The following ANK1 variants were observed in gnomAD, a reference collection of about 807,000 sequenced individuals.
ANK1 encodes ankyrin 1, also known as ankyrin-1.
ANK1 carries 51 observed loss-of-function variants against 210.4 expected under a neutral mutation model. That is an observed-to-expected ratio of 0.24 (90% CI 0.19 to 0.31). The LOEUF (loss-of-function observed/expected upper bound fraction) is 0.31, where lower values mean the gene tolerates loss of function less well. ANK1 is among the 10% of genes least tolerant of loss of function. ANK1 has a pLI of 1.00. For synonymous variants in ANK1, 967 were observed against 1,025.9 expected, an observed-to-expected ratio of 0.94 and a Z score of 1.10; for missense variants, 2,051 against 2,504.4, an observed-to-expected ratio of 0.82 and a Z score of 3.86.
intron 1 of ANK1, among the ~76,000 whole-genome samples, chr8:41,830,553 G>A (rs1806395275): frequency 1.3e-5 from 2 of 152,090 alleles, no homozygotes; most frequent in South Asian, 4.1e-4. Flanking sequence ...AGCTAGAATT[G>A]TGGTAAAGCC....
intron 42 of ANK1, 174 bp downstream of exon 42, chr8:41,661,256 T>C: frequency 1.0e-6 from 1 of 975,044 alleles, no homozygotes. Flanking sequence ...GAAGCTGGGG[T>C]TCAGAGCCAA....
intron 22 of ANK1, chr8:41,700,589 C>T: frequency 1.1e-6 from 1 of 929,514 alleles, no homozygotes; most frequent in Non-Finnish European, 1.7e-6. Flanking sequence ...ATGAAATTAT[C>T]CAGATGGAAG....
chr8:41,835,760 A>G (rs909719173), intron 1 of ANK1, among the ~76,000 whole-genome samples: 3 of 152,244 alleles, frequency 2.0e-5, no homozygotes, highest in Admixed American at 6.5e-5. Context: ...CAGAGTCTGA[A>G]ATATTTACTA....
chr8:41,724,598 C>T (rs1204197775), intron 6 of ANK1, 44 bp from the exon 7 acceptor site: 3 of 1,530,612 alleles, frequency 2.0e-6, no homozygotes, highest in South Asian at 2.4e-5. Flanking sequence ...ATGTGATTTA[C>T]TTCTATCTCA....
At chr8:41,758,252 TGCCCACAGTGACACCAGGTGTGCACAGGA>T in intron 1 of ANK1, 115 bp from the exon 2 acceptor site, 2 of 915,826 alleles carry the variant, frequency 2.2e-6, no homozygotes, top group East Asian at 4.8e-5. Flanking sequence ...GGCACCCTGG[TGCCCACAGTGACACCAGGTGTGCACAGGA>T]GCCTGAGAGC....
intron 1 of ANK1, among the ~76,000 whole-genome samples, chr8:41,792,219 A>G (rs1406349921): frequency 6.6e-6 from 1 of 152,182 alleles, no homozygotes; most frequent in Non-Finnish European, 1.5e-5. Context: ...GCCACTTCTC[A>G]CTAGATTTCT....
At chr8:41,872,466 G>A (rs184062818) in intron 1 of ANK1, among the ~76,000 whole-genome samples, 16 of 152,222 alleles carry the variant, frequency 1.1e-4, no homozygotes, top group Non-Finnish European at 2.9e-5. Flanking sequence ...GGAAGCCGGG[G>A]TTCGAATCTA....
chr8:41,679,923 A>G (rs1208679432), intron 37 of ANK1, among the ~76,000 whole-genome samples: 1 of 152,052 alleles, frequency 6.6e-6, no homozygotes, highest in Non-Finnish European at 1.5e-5. Context: ...TTTATTTCCC[A>G]TGCTTTGTGG....
chr8:41,823,603 G>GAA (rs1012001732), intron 1 of ANK1, among the ~76,000 whole-genome samples: 7 of 145,212 alleles, frequency 4.8e-5, no homozygotes, highest in African/African-American at 1.8e-4. Context: ...TACAAAAACT[G>GAA]AAAAAAAAAA....
chr8:41,853,879 G>A (rs1811713471), intron 1 of ANK1, among the ~76,000 whole-genome samples: 1 of 152,116 alleles, frequency 6.6e-6, no homozygotes, highest in Non-Finnish European at 1.5e-5. Context: ...TCCCACCTCA[G>A]TCTCTCAAAG....
At chr8:41,876,459 C>T (rs899191349) in intron 1 of ANK1, among the ~76,000 whole-genome samples, 1 of 152,234 alleles carries the variant, frequency 6.6e-6, no homozygotes, top group African/African-American at 2.4e-5. Flanking sequence ...CTTGAAACCT[C>T]ACAGGCACAT....
chr8:41,792,247 T>C (rs906874482), intron 1 of ANK1, among the ~76,000 whole-genome samples: 1 of 152,186 alleles, frequency 6.6e-6, no homozygotes, highest in African/African-American at 2.4e-5. Context: ...TGTCACTGCC[T>C]GTCGGAGAAT....
intron 31 of ANK1, among the ~76,000 whole-genome samples, chr8:41,691,716 C>T (rs1046462596): frequency 1.3e-5 from 2 of 152,186 alleles, no homozygotes; most frequent in African/African-American, 2.4e-5. Context: ...CTGGATAAAT[C>T]CCATCTCCAC....
intron 1 of ANK1, among the ~76,000 whole-genome samples, chr8:41,851,529 G>A (rs1385183364): frequency 1.3e-5 from 2 of 152,212 alleles, no homozygotes; most frequent in Non-Finnish European, 2.9e-5. Flanking sequence ...CTCCACCTCT[G>A]GAGGCTGCTC....
intron 1 of ANK1, among the ~76,000 whole-genome samples, chr8:41,849,646 G>A (rs974114268): frequency 1.8e-4 from 27 of 152,258 alleles, no homozygotes; most frequent in East Asian, 1.7e-3. Flanking sequence ...TCCCACCGCC[G>A]CGCAGGGAAG....
At chr8:41,848,355 T>C (rs1463533045) in intron 1 of ANK1, among the ~76,000 whole-genome samples, 1 of 152,144 alleles carries the variant, frequency 6.6e-6, no homozygotes, top group African/African-American at 2.4e-5. Flanking sequence ...AGTAATCCCT[T>C]TGGACTCTAG....
At chr8:41,797,624 C>CG, upstream of ANK1, 1 of 1,593,940 alleles carries the variant, frequency 6.3e-7, no homozygotes, top group Non-Finnish European at 8.5e-7. This position sits in a 1 kb window ranked among gnomAD's most constrained non-coding sequence, Gnocchi z 4.0. Context: ...GCAGCCTCTG[C>CG]GGGGCCTGTG....
At chr8:41,849,507 GAGCGAGACAA>G (rs1563903613) in intron 1 of ANK1, among the ~76,000 whole-genome samples, 1 of 127,910 alleles carries the variant, frequency 7.8e-6, no homozygotes, top group African/African-American at 3.1e-5. Context: ...CTGGGAGAGA[GAGCGAGACAA>G]TGTCCCAAAA....
intron 17 of ANK1, among the ~76,000 whole-genome samples, chr8:41,708,316 A>G (rs1346049711): frequency 6.6e-6 from 1 of 152,156 alleles, no homozygotes; most frequent in Non-Finnish European, 1.5e-5. Flanking sequence ...TGTGTGCGCA[A>G]TTTTAGAAGG....
Sources: allele counts gnomAD v4.1 joint callset (sites outside exome capture counted in the v4.1 genomes callset), GRCh38; gene constraint gnomAD v4.1.1; non-coding constraint Gnocchi (gnomAD v3.1); transcripts MANE v1.5; gene names NCBI Gene and HGNC (gene_info 2026-07-23, HGNC 2026-07-21).